The following LAMP2 variants were observed in gnomAD, a reference collection of about 807,000 sequenced individuals.
LAMP2 encodes the protein lysosome associated membrane protein 2.
Under a neutral mutation model 25.6 loss-of-function variants are expected in LAMP2, and 4 were observed. That is an observed-to-expected ratio of 0.16 (90% CI 0.08 to 0.36). The LOEUF is 0.36. LAMP2 is among the 10% of genes least tolerant of loss of function. The pLI is 1.00. For synonymous variants in LAMP2, 108 were observed against 112.7 expected (o/e 0.96, Z 0.27); for missense variants, 272 against 301.4 (o/e 0.90, Z 0.72).
intron 1 of LAMP2, among the ~76,000 whole-genome samples, chrX:120,466,996 C>T (rs1921566014): frequency 9.0e-6 from 1 of 110,676 alleles, no homozygotes; most frequent in Non-Finnish European, 1.9e-5. Flanking sequence ...GCATGTGCCA[C>T]GACACCGGCT....
chrX:120,444,037 AAAAG>A (rs1016611411), intron 6 of LAMP2, among the ~76,000 whole-genome samples: 25 of 110,752 alleles, frequency 2.3e-4, no homozygotes, highest in African/African-American at 8.2e-4. Context: ...GGAAGGAAAG[AAAAG>A]AAAAGAAAAA....
At chrX:120,438,146 C>T in intron 8 of LAMP2, 1 of 743,501 alleles carries the variant, frequency 1.3e-6, no homozygotes, top group Non-Finnish European at 1.6e-6. Flanking sequence ...CGTGAGCCGC[C>T]ACGCCCAGCC....
chrX:120,463,906 C>T (rs1048773315), intron 1 of LAMP2, among the ~76,000 whole-genome samples: 3 of 104,906 alleles, frequency 2.9e-5, no homozygotes, highest in Middle Eastern at 5.0e-3. Flanking sequence ...AGCTTGACTT[C>T]TGTTTTTCGT....
intron 8 of LAMP2, chrX:120,439,419 G>T (rs1413943509): frequency 3.3e-6 from 2 of 603,326 alleles, no homozygotes; most frequent in East Asian, 7.0e-5. Context: ...ACTAAGACAG[G>T]TATATTTTTA....
chrX:120,459,025 T>G (rs2147288918), intron 1 of LAMP2, among the ~76,000 whole-genome samples: 1 of 112,083 alleles, frequency 8.9e-6, no homozygotes, highest in Non-Finnish European at 1.9e-5. Context: ...CTGCCTGACT[T>G]TCAAAGTAAT....
chrX:120,444,580 C>T (rs2058588291), intron 6 of LAMP2, among the ~76,000 whole-genome samples: 1 of 111,536 alleles, frequency 9.0e-6, no homozygotes. Flanking sequence ...ACCTCTCCCT[C>T]CTCCATTCTC....
rs773236667 is a variant in LAMP2, at chrX:120,427,835, G to A, written c.*3488C>T. 6.7e-4 allele frequency: 75 copies of A among 111,352 alleles called. No individual in the cohort carries two copies. Among genetic ancestry groups the A allele is most frequent in the African/African-American group, 2.3e-3 (71 of 30,784 alleles). 9.2% of individuals were successfully genotyped at this position (111,352 alleles called of 1,213,427 possible). A position where few individuals can be genotyped will look rare whatever the true frequency, so the allele number is the denominator to read the frequency against. ...ATAAATGTCAAGTCTGAGATAATCAGTATATTCCAAACTCTAGAACAACAA... is the reference window on the plus strand; with the variant it reads ...ATAAATGTCAAGTCTGAGATAATCAATATATTCCAAACTCTAGAACAACAA... On this transcript the variant is annotated 3_prime_UTR_variant, in exon 9 of 9. Transcript: ENST00000200639.
At chrX:120,432,927 T>TG (rs1283399951) in intron 8 of LAMP2, among the ~76,000 whole-genome samples, 1 of 78,753 alleles carries the variant, frequency 1.3e-5, no homozygotes, top group African/African-American at 4.4e-5. Flanking sequence ...AGAACCCATC[T>TG]CAAAAAAAAA....
intron 8 of LAMP2, chrX:120,439,102 G>C: frequency 8.3e-7 from 1 of 1,205,793 alleles, no homozygotes; most frequent in East Asian, 3.0e-5. Flanking sequence ...TTGCATGTTG[G>C]AACTTGTACT....
chrX:120,459,801 C>T (rs961241331), intron 1 of LAMP2, among the ~76,000 whole-genome samples: 1 of 111,996 alleles, frequency 8.9e-6, no homozygotes, highest in Non-Finnish European at 1.9e-5. Flanking sequence ...CAGGTGTTGA[C>T]CCACTGCACA....
chrX:120,439,319 A>C, intron 8 of LAMP2: 1 of 1,168,633 alleles, frequency 8.6e-7, no homozygotes, highest in East Asian at 3.0e-5. Flanking sequence ...AGTGTGTAAT[A>C]AATAATGAGT....
intron 3 of LAMP2, among the ~76,000 whole-genome samples, chrX:120,451,757 C>T (rs897317241): frequency 4.5e-5 from 5 of 111,779 alleles, no homozygotes; most frequent in Non-Finnish European, 9.4e-5. Context: ...TGAGCCACTG[C>T]GCCCAGCCAT....
At chrX:120,453,616 T>C (rs1212410207) in intron 3 of LAMP2, among the ~76,000 whole-genome samples, 2 of 111,908 alleles carry the variant, frequency 1.8e-5, no homozygotes, top group Admixed American at 9.5e-5. Context: ...GAGACCATCC[T>C]GGCCAACATG....
chrX:120,431,519 T>C (rs2058523104), intron 8 of LAMP2, 57 bp from the exon 9 acceptor site: 1 of 1,107,644 alleles, frequency 9.0e-7, no homozygotes, highest in Admixed American at 2.2e-5. Flanking sequence ...TTCAAATCTG[T>C]GTATTTTGAG....
rs397516736 is a variant in LAMP2 at position 120,456,651 on chromosome X, A to G, written c.183T>C (p.Tyr61=). ...AAGAAAAATTAAAATATATACTTAC[A>G]TAAGTTTTATTTGTAGTTTCATAGC... is the stretch of plus-strand genomic sequence containing the variant. ...TVRYETTNKT[Y]KTVTISDHGT... The change falls in exon 2 of 9, where the codon TAT becomes TAC. Residue 61 remains tyrosine, a splice_region_variant and synonymous_variant. Coordinates refer to ENST00000200639, the MANE Select transcript of LAMP2 (RefSeq NM_002294.3). 1.3e-5 allele frequency: 13 copies of G among 985,337 alleles called. No individual in the cohort carries two copies. Among genetic ancestry groups the G allele is most frequent in the East Asian group, 6.2e-5 (2 of 32,130 alleles). The allele number at this position is 985,337 out of a possible 1,213,427, so 81.2% of individuals were successfully genotyped here.
rs775142637 is a variant in LAMP2 at position 120,430,445 on chromosome X, A to C, written c.*878T>G. On this transcript the variant is annotated 3_prime_UTR_variant, in exon 9 of 9. Transcript: ENST00000200639. ...CACTAAATAGATTTTAATGCTCCAG[A>C]GATCAACAAGATGAGGTAGAGAAAC... The C allele has an allele frequency of 1.1e-5, 8 of 752,547 alleles. No homozygotes were observed. Among genetic ancestry groups the C allele is most frequent in the Non-Finnish European group, 1.3e-5 (8 of 637,528 alleles). 62.0% of individuals were successfully genotyped at this position (752,547 alleles called of 1,213,427 possible).
chrX:120,454,934 GATAT>G (rs397842673), intron 3 of LAMP2, among the ~76,000 whole-genome samples: 4 of 81,656 alleles, frequency 4.9e-5, no homozygotes, highest in Middle Eastern at 6.2e-3. Context: ...CACACACTAG[GATAT>G]ATATATATAT....
chrX:120,464,637 A>G (rs1409843039), intron 1 of LAMP2, among the ~76,000 whole-genome samples: 1 of 112,224 alleles, frequency 8.9e-6, no homozygotes, highest in African/African-American at 3.2e-5. Flanking sequence ...ATGTCACCCG[A>G]TAACGGAAGG....
intron 8 of LAMP2, among the ~76,000 whole-genome samples, chrX:120,435,999 T>C (rs1305710252): frequency 9.0e-5 from 10 of 111,436 alleles, no homozygotes; most frequent in African/African-American, 3.3e-4. Flanking sequence ...TGTAGAGATA[T>C]TGAATATCAA....
Sources: allele counts gnomAD v4.1 joint callset (sites outside exome capture counted in the v4.1 genomes callset), GRCh38; gene constraint gnomAD v4.1.1; transcripts MANE v1.5; gene names NCBI Gene and HGNC (gene_info 2026-07-23, HGNC 2026-07-21).